The following COL5A2 variants were observed in gnomAD, a reference collection of about 807,000 sequenced individuals.
COL5A2 encodes the protein collagen alpha-2(V) chain.
In COL5A2, 23 loss-of-function variants were observed where a neutral mutation model predicts 208.2. The observed-to-expected ratio is 0.11, with a 90% CI of 0.08 to 0.16. The LOEUF (loss-of-function observed/expected upper bound fraction) is 0.16, where lower values mean the gene tolerates loss of function less well. COL5A2 is among the 10% of genes least tolerant of loss of function. The probability of loss-of-function intolerance (pLI) is 1.00; values close to 1 mark genes in which losing one functional copy is unlikely to be tolerated. For missense variants in COL5A2, 1,590 were observed against 1,956.4 expected, an observed-to-expected ratio of 0.81 and a Z score of 3.53; for synonymous variants, 625 against 628.5, an observed-to-expected ratio of 0.99 and a Z score of 0.08.
At chr2:189,339,372 T>G in the COL5A2 span, among the ~76,000 whole-genome samples, 1 of 151,928 alleles carries the variant, frequency 6.6e-6, no homozygotes, top group East Asian at 1.9e-4. Flanking sequence ...AAAAAAAGAT[T>G]TGTTTCAATT....
the COL5A2 span, among the ~76,000 whole-genome samples, chr2:189,337,214 G>A: frequency 3.6e-4 from 50 of 139,580 alleles, no homozygotes; most frequent in Admixed American, 3.0e-3. Flanking sequence ...ACGGAGTCTC[G>A]CTCTGTCGCC....
chr2:189,272,361 G>A, the COL5A2 span, among the ~76,000 whole-genome samples: 1 of 152,044 alleles, frequency 6.6e-6, no homozygotes, highest in African/African-American at 2.4e-5. Context: ...GTCCTTTGCA[G>A]GGCCATGAAT....
the COL5A2 span, among the ~76,000 whole-genome samples, chr2:189,395,426 C>CA: frequency 6.6e-6 from 1 of 152,056 alleles, no homozygotes; most frequent in Non-Finnish European, 1.5e-5. Flanking sequence ...AAATTCATAA[C>CA]AAAAAATACA....
chr2:189,036,942 A>T, intron 51 of COL5A2, 139 bp from the exon 52 acceptor site: 1 of 716,412 alleles, frequency 1.4e-6, no homozygotes, highest in Non-Finnish European at 2.3e-6. Flanking sequence ...CCCTTACGAA[A>T]AAAGTAACCG....
intron 1 of COL5A2, among the ~76,000 whole-genome samples, chr2:189,223,285 G>A (rs1689370531): frequency 6.6e-6 from 1 of 152,040 alleles, no homozygotes; most frequent in Non-Finnish European, 1.5e-5. Flanking sequence ...AAGAGTTAAT[G>A]CAACAAAGCC....
chr2:189,072,139 T>A (rs1686289082), intron 17 of COL5A2, 46 bp from the exon 18 acceptor site: 3 of 1,338,114 alleles, frequency 2.2e-6, no homozygotes, highest in Admixed American at 1.7e-5. Context: ...ATTCAATTAG[T>A]ATCTAATTAG....
the COL5A2 span, among the ~76,000 whole-genome samples, chr2:189,386,702 G>A: frequency 2.6e-5 from 4 of 152,170 alleles, no homozygotes; most frequent in South Asian, 8.3e-4. Flanking sequence ...CATACAAGTG[G>A]CCAACAAACA....
At chr2:189,078,186 T>G (rs1425270429) in intron 16 of COL5A2, among the ~76,000 whole-genome samples, 1 of 152,140 alleles carries the variant, frequency 6.6e-6, no homozygotes, top group Non-Finnish European at 1.5e-5. Flanking sequence ...TTATTGTAAT[T>G]TCATTAGTAT....
rs183695488 is a variant in COL5A2 at position 189,045,297 on chromosome 2, C to T, written c.3310-65G>A. The T allele has an allele frequency of 9.5e-6, 10 of 1,053,884 alleles. No homozygotes were observed. In the African/African-American group the frequency reaches 1.1e-4, roughly 12 times the overall value. 65.3% of individuals were successfully genotyped at this position (1,053,884 alleles called of 1,614,324 possible). A position where few individuals can be genotyped will look rare whatever the true frequency, so the allele number is the denominator to read the frequency against. On this transcript the variant is annotated intron_variant, in intron 46 of 53. Coordinates refer to ENST00000374866, the MANE Select transcript of COL5A2 (RefSeq NM_000393.5). ...AAGATATTCACATATTACATAGATA[C>T]AGGATGTCAACAATACGTTTATAGT...
At chr2:189,037,036 T>C (rs1377393415) in intron 51 of COL5A2, among the ~76,000 whole-genome samples, 1 of 152,116 alleles carries the variant, frequency 6.6e-6, no homozygotes, top group African/African-American at 2.4e-5. Flanking sequence ...AAAACATCCA[T>C]ATGAAGGAAA....
the COL5A2 span, among the ~76,000 whole-genome samples, chr2:189,323,532 C>T: frequency 6.6e-6 from 1 of 152,060 alleles, no homozygotes; most frequent in Non-Finnish European, 1.5e-5. Flanking sequence ...CAATAACAGA[C>T]AAACAGAGAG....
Position 189,060,712 on chromosome 2 carries a change from T to C in COL5A2, c.2085+18A>G. On this transcript the variant is annotated intron_variant, in intron 31 of 53. Transcript: ENST00000374866. ...CAGCAATGTATAGTGTTGCCATTAT[T>C]ATTATTTAAACACTTACTTGATCAC... is the stretch of plus-strand genomic sequence containing the variant. 1 of 1,602,106 alleles carries C rather than the reference T, an allele frequency of 6.2e-7. No homozygotes were observed. Among genetic ancestry groups the C allele is most frequent in the Non-Finnish European group, 8.6e-7 (1 of 1,169,208 alleles).
chr2:189,289,776 A>G, the COL5A2 span, among the ~76,000 whole-genome samples: 1 of 152,206 alleles, frequency 6.6e-6, no homozygotes, highest in Non-Finnish European at 1.5e-5. Context: ...TTATTCAATC[A>G]ATCCAGCCTC....
rs1685836389 is a variant in COL5A2, at chr2:189,053,532, G to C, written c.2500-55C>G. The C allele has an allele frequency of 2.1e-6, 3 of 1,422,650 alleles. No individual in the cohort carries two copies. In the Admixed American group the frequency reaches 5.0e-5, roughly 24 times the overall value. 88.1% of individuals were successfully genotyped at this position (1,422,650 alleles called of 1,614,324 possible). A position where few individuals can be genotyped will look rare whatever the true frequency, so the allele number is the denominator to read the frequency against. ...TCACACATTATCCTAAACAGGAACA[G>C]TATTTTAAAATATGATCATATAAAT... On this transcript the variant is annotated intron_variant, in intron 37 of 53. Transcript: ENST00000374866.
At chr2:189,353,477 T>C in the COL5A2 span, among the ~76,000 whole-genome samples, 22 of 152,326 alleles carry the variant, frequency 1.4e-4, no homozygotes, top group Admixed American at 1.2e-3. Flanking sequence ...GAGCAGTGGT[T>C]TGTAGTTCTC....
At chr2:189,338,633 G>T in the COL5A2 span, among the ~76,000 whole-genome samples, 2 of 150,298 alleles carry the variant, frequency 1.3e-5, no homozygotes, top group Non-Finnish European at 3.0e-5. Context: ...TAACTATAAA[G>T]ATATGGATAT....
At chr2:189,317,101 G>T in the COL5A2 span, among the ~76,000 whole-genome samples, 2 of 151,868 alleles carry the variant, frequency 1.3e-5, no homozygotes, top group African/African-American at 4.8e-5. Flanking sequence ...AAAGCCAAAG[G>T]TATATTATTT....
chr2:189,089,194 T>C (rs1686730165), intron 7 of COL5A2, among the ~76,000 whole-genome samples: 1 of 152,206 alleles, frequency 6.6e-6, no homozygotes, highest in African/African-American at 2.4e-5. Context: ...CAGATTCCAT[T>C]TTGGACTGTT....
chr2:189,221,883 C>T (rs1352289465), intron 1 of COL5A2, among the ~76,000 whole-genome samples: 2 of 152,118 alleles, frequency 1.3e-5, no homozygotes, highest in African/African-American at 4.8e-5. Context: ...ACTATAACTG[C>T]ATTTCTACAG....
Sources: gnomAD v4.1 joint callset for allele counts (sites outside exome capture counted in the v4.1 genomes callset) on GRCh38, gnomAD v4.1.1 for gene constraint, MANE v1.5 for transcripts, NCBI Gene and HGNC (gene_info 2026-07-23, HGNC 2026-07-21) for gene names.